Variants in PCDH9 observed in about 807,000 individuals in gnomAD.
PCDH9 encodes protocadherin 9, also known as protocadherin-9.
Under a neutral mutation model 70.6 loss-of-function variants are expected in PCDH9, and 24 were observed. That is an observed-to-expected ratio of 0.34 (90% confidence interval 0.25 to 0.48). The LOEUF (loss-of-function observed/expected upper bound fraction) is 0.48. Ranked by LOEUF, PCDH9 falls within the 20% of genes least tolerant of loss-of-function variation. PCDH9 has a pLI of 0.99. For missense variants in PCDH9, 1,281 were observed against 1,503.6 expected (o/e 0.85, Z 2.45); for synonymous variants, 562 against 558.5 (o/e 1.01, Z -0.09).
intron 4 of PCDH9, among the ~76,000 whole-genome samples, chr13:66,485,658 A>C (rs1051944013): frequency 1.1e-4 from 16 of 152,124 alleles, no homozygotes; most frequent in Admixed American, 5.2e-4. Context: ...GCAATGCATA[A>C]ATTATCATAA....
At chr13:66,373,167 G>A (rs983790535) in intron 4 of PCDH9, among the ~76,000 whole-genome samples, 2 of 151,890 alleles carry the variant, frequency 1.3e-5, no homozygotes, top group Non-Finnish European at 2.9e-5. Flanking sequence ...AACAGGGAAG[G>A]AAATTCTGAC....
chr13:66,475,053 A>G (rs542050872), intron 4 of PCDH9, among the ~76,000 whole-genome samples: 1 of 152,248 alleles, frequency 6.6e-6, no homozygotes, highest in Non-Finnish European at 1.5e-5. Flanking sequence ...GATGATGTAT[A>G]AGGACTTCCA....
intron 2 of PCDH9, among the ~76,000 whole-genome samples, chr13:67,039,051 T>C (rs1490915219): frequency 6.6e-6 from 1 of 152,192 alleles, no homozygotes. Context: ...AAAACTTTCA[T>C]AAAAGCCTCC....
chr13:66,514,501 A>AAG lies in PCDH9; in HGVS notation c.3340+116708_3340+116709insCT, dbSNP rs1593604687. On this transcript the variant is annotated intron_variant, in intron 4 of 4. Transcript: ENST00000377865. ...AATGGAGTGAATTCAAAAAAAAAAA[A>AAG]AAAGAAAGACATGCAAAATAGGTTG... is the stretch of plus-strand genomic sequence containing the variant. Among the ~76,000 whole-genome samples, 10 of 151,866 alleles carry AAG rather than the reference A, an allele frequency of 6.6e-5. 1 individual carries two copies. In the South Asian group the frequency reaches 2.1e-3, roughly 32 times the overall value.
At chr13:66,549,537 T>A (rs9529089) in intron 4 of PCDH9, among the ~76,000 whole-genome samples, 23,072 of 151,908 alleles carry the variant, frequency 0.15, 1,806 homozygotes, top group South Asian at 0.21. Context: ...TTATTTTTTT[T>A]TAAAAAAAGG....
intron 3 of PCDH9, among the ~76,000 whole-genome samples, chr13:66,797,642 C>T (rs972273601): frequency 4.2e-4 from 64 of 152,202 alleles, no homozygotes; most frequent in African/African-American, 1.5e-3. Flanking sequence ...AATAACTCAA[C>T]GTTAAACCTC....
chr13:66,463,075 T>C (rs1175181358), intron 4 of PCDH9, among the ~76,000 whole-genome samples: 2 of 151,830 alleles, frequency 1.3e-5, no homozygotes, highest in African/African-American at 4.8e-5. Flanking sequence ...TATATATACA[T>C]GATGCAAACT....
chr13:66,626,586 G>A (rs2077501722), intron 4 of PCDH9, among the ~76,000 whole-genome samples: 1 of 152,058 alleles, frequency 6.6e-6, no homozygotes, highest in Non-Finnish European at 1.5e-5. Flanking sequence ...CTCTGGAATT[G>A]AGGTAAAAAA....
chr13:67,135,253 AATTTTTTTACTGTTT>A (rs2087206871), intron 2 of PCDH9, among the ~76,000 whole-genome samples: 1 of 152,010 alleles, frequency 6.6e-6, no homozygotes, highest in Non-Finnish European at 1.5e-5. Flanking sequence ...TTCTAGTTTT[AATTTTTTTACTGTTT>A]AATAATTCTG....
At chr13:66,950,080 C>T (rs1037718277) in intron 2 of PCDH9, among the ~76,000 whole-genome samples, 1 of 151,898 alleles carries the variant, frequency 6.6e-6, no homozygotes, top group South Asian at 2.1e-4. Flanking sequence ...AATAATACCG[C>T]TTATCAAATG....
intron 4 of PCDH9, among the ~76,000 whole-genome samples, chr13:66,467,277 G>T (rs1488852072): frequency 2.0e-5 from 3 of 151,986 alleles, no homozygotes; most frequent in African/African-American, 7.2e-5. Flanking sequence ...TTAACAGAAT[G>T]AAAAAGTTTC....
At chr13:66,322,969 TA>T (rs1955781339) in intron 4 of PCDH9, among the ~76,000 whole-genome samples, 1 of 152,072 alleles carries the variant, frequency 6.6e-6, no homozygotes, top group Non-Finnish European at 1.5e-5. Context: ...TGAACTGTGA[TA>T]TGTTATATGT....
chr13:66,383,336 A>C (rs1435171293), intron 4 of PCDH9, among the ~76,000 whole-genome samples: 1 of 152,190 alleles, frequency 6.6e-6, no homozygotes, highest in African/African-American at 2.4e-5. Flanking sequence ...ACTGTATCTC[A>C]TTACCTTTCT....
At chr13:67,046,578 A>AT (rs1018029514) in intron 2 of PCDH9, among the ~76,000 whole-genome samples, 5 of 152,030 alleles carry the variant, frequency 3.3e-5, no homozygotes, top group African/African-American at 7.2e-5. Context: ...AGGATCTAGG[A>AT]TTTTTTTTCA....
chr13:67,116,687 C>CCTATTG (rs2086782588), intron 2 of PCDH9, among the ~76,000 whole-genome samples: 1 of 152,132 alleles, frequency 6.6e-6, no homozygotes, highest in East Asian at 1.9e-4. Context: ...TAAAATCAAA[C>CCTATTG]CTATTGCTCC....
intron 4 of PCDH9, among the ~76,000 whole-genome samples, chr13:66,621,294 C>G (rs568907180): frequency 1.3e-5 from 2 of 152,286 alleles, no homozygotes; most frequent in South Asian, 2.1e-4. Context: ...CCTTGTCTCT[C>G]TAGCTGGCCT....
At position 66,635,938 on chromosome 13, in the gene PCDH9, AGTTGT is replaced by A. The variant is rs1325312421; in HGVS notation, c.3139-4532_3139-4528del. 8.5e-5 allele frequency among the ~76,000 whole-genome samples: 13 copies of A among 152,300 alleles called. 1 individual carries two copies. In the South Asian group the frequency reaches 1.2e-3, roughly 15 times the overall value. On this transcript the variant is annotated intron_variant, in intron 3 of 4. Coordinates refer to ENST00000377865, the MANE Select transcript of PCDH9 (RefSeq NM_203487.3). ...ATATCCTGTAAAGATCACACCATAT[AGTTGT>A]GTTAAGTATTGACAATACTTACAGT...
At position 67,167,267 on chromosome 13, in the gene PCDH9, T is replaced by C. The variant is rs1451954072; in HGVS notation, c.3036+58138A>G. ...TAATCTGCATCTGCTACTTAATAAT[T>C]GCGTGCCTCTCAGCAAATTACTTAA... is the stretch of plus-strand genomic sequence containing the variant. On this transcript the variant is annotated intron_variant, in intron 2 of 4. Coordinates refer to ENST00000377865, the MANE Select transcript of PCDH9 (RefSeq NM_203487.3). Among the ~76,000 whole-genome samples, 3 of 152,128 alleles carry C rather than the reference T, an allele frequency of 2.0e-5. No individual in the cohort carries two copies. The East Asian group carries it at 5.8e-4, about 29-fold the overall frequency.
chr13:66,822,657 C>A (rs1432298654), intron 3 of PCDH9, among the ~76,000 whole-genome samples: 1 of 151,936 alleles, frequency 6.6e-6, no homozygotes, highest in African/African-American at 2.4e-5. Context: ...TCCCAAGTAG[C>A]TGGGATTACA....
Sources: gnomAD v4.1 joint callset for allele counts (sites outside exome capture counted in the v4.1 genomes callset) on GRCh38, gnomAD v4.1.1 for gene constraint, MANE v1.5 for transcripts, NCBI Gene and HGNC (gene_info 2026-07-23, HGNC 2026-07-21) for gene names.